PLEKHD1: variants seen among roughly 807,000 people sequenced by gnomAD.
PLEKHD1 encodes pleckstrin homology domain-containing family D member 1.
A neutral mutation model predicts 69.2 loss-of-function variants in PLEKHD1; 51 were observed. The ratio of observed to expected loss-of-function variants is 0.74; its 90% confidence interval spans 0.59 to 0.93. PLEKHD1 has a LOEUF of 0.93. Among genes scored for constraint, PLEKHD1 ranks in the 40% least tolerant of loss-of-function variants. The pLI, the probability that PLEKHD1 is intolerant of heterozygous loss-of-function variation, is 0.00. For missense variants in PLEKHD1, 584 were observed against 641.0 expected, an observed-to-expected ratio of 0.91 and a Z score of 0.96; for synonymous variants, 236 against 244.7, an observed-to-expected ratio of 0.96 and a Z score of 0.33.
In PLEKHD1 at chr14:69,528,572, G is replaced by T; in HGVS notation, c.*153G>T. The T allele has an allele frequency of 9.4e-7, 1 of 1,068,026 alleles. No individual in the cohort carries two copies. Among genetic ancestry groups the T allele is most frequent in the Non-Finnish European group, 1.3e-6 (1 of 763,762 alleles). The allele number at this position is 1,068,026 out of a possible 1,614,324, so 66.2% of individuals were successfully genotyped here. A position where few individuals can be genotyped will look rare whatever the true frequency, so the allele number is the denominator to read the frequency against. ...GGAGCTCCACTTGGGGGCCAGCCTT[G>T]CCCTCAAAGGACATGGACGCTGCCT... On this transcript the variant is annotated 3_prime_UTR_variant, in exon 13 of 13. Transcript: ENST00000322564.
chr14:69,499,592 C>T (rs1460832066), intron 1 of PLEKHD1, among the ~76,000 whole-genome samples: 1 of 152,062 alleles, frequency 6.6e-6, no homozygotes, highest in African/African-American at 2.4e-5. Context: ...GGGAGTAGCC[C>T]GAGACAAAGG....
intron 4 of PLEKHD1, 39 bp from the exon 5 acceptor site, chr14:69,501,695 C>T: frequency 1.4e-6 from 2 of 1,436,758 alleles, no homozygotes; most frequent in East Asian, 2.5e-5. Flanking sequence ...TCTGTTTCTT[C>T]CTCTTCTCTC....
chr14:69,524,077 C>T (rs1471341165), intron 7 of PLEKHD1, among the ~76,000 whole-genome samples, 152 bp from the exon 8 acceptor site: 2 of 152,218 alleles, frequency 1.3e-5, no homozygotes, highest in Non-Finnish European at 2.9e-5. Flanking sequence ...CCTACTGCTG[C>T]TGTCAGGGCC....
chr14:69,496,133 G>A (rs1449362251), intron 1 of PLEKHD1, among the ~76,000 whole-genome samples: 1 of 152,176 alleles, frequency 6.6e-6, no homozygotes, highest in Non-Finnish European at 1.5e-5. Flanking sequence ...GTAAGGCTGG[G>A]AGTTTGCCTG....
At chr14:69,498,627 T>TCTTCTCTTCTCTTCTCTTCTCTTCC (rs1566557354) in intron 1 of PLEKHD1, among the ~76,000 whole-genome samples, 11 of 149,546 alleles carry the variant, frequency 7.4e-5, no homozygotes, top group African/African-American at 2.5e-4. Context: ...TCTTCTCTTC[T>TCTTCTCTTCTCTTCTCTTCTCTTCC]CTTCTCTTCT....
chr14:69,505,812 A>C (rs1034639030), intron 6 of PLEKHD1, among the ~76,000 whole-genome samples: 1 of 152,226 alleles, frequency 6.6e-6, no homozygotes, highest in African/African-American at 2.4e-5. Context: ...CAGAGCGTGC[A>C]GGGGGAACCC....
intron 6 of PLEKHD1, among the ~76,000 whole-genome samples, chr14:69,508,642 C>T (rs910541876): frequency 1.3e-5 from 2 of 152,104 alleles, no homozygotes; most frequent in African/African-American, 4.8e-5. Flanking sequence ...TGGGGGCAAA[C>T]ATGGGACTAA....
At chr14:69,479,330 T>G in the PLEKHD1 span, among the ~76,000 whole-genome samples, 1 of 152,036 alleles carries the variant, frequency 6.6e-6, no homozygotes. Context: ...AGAGCCAAAG[T>G]CAGGAGGTAG....
intron 11 of PLEKHD1, 47 bp from the exon 12 acceptor site, chr14:69,527,736 G>T: frequency 3.2e-6 from 5 of 1,544,458 alleles, no homozygotes; most frequent in Non-Finnish European, 4.4e-6. Context: ...CTGGCTGGGG[G>T]TAAGGATGCA....
chr14:69,528,101 A>G, intron 12 of PLEKHD1, 149 bp from the exon 13 acceptor site: 1 of 1,401,040 alleles, frequency 7.1e-7, no homozygotes, highest in South Asian at 1.3e-5. Flanking sequence ...GGGTTTCTCA[A>G]AGGATATGGA....
intron 6 of PLEKHD1, among the ~76,000 whole-genome samples, chr14:69,508,582 T>A (rs1883203742): frequency 6.6e-6 from 1 of 152,166 alleles, no homozygotes; most frequent in African/African-American, 2.4e-5. Flanking sequence ...GCACGGCTAA[T>A]TTTTTATTTT....
At chr14:69,490,259 G>T (rs1452373228) in intron 1 of PLEKHD1, among the ~76,000 whole-genome samples, 1 of 152,132 alleles carries the variant, frequency 6.6e-6, no homozygotes, top group Non-Finnish European at 1.5e-5. Flanking sequence ...TGGGTGTGGG[G>T]GTGGTTTCAT....
At chr14:69,527,448 G>A in intron 11 of PLEKHD1, 116 bp downstream of exon 11, 11 of 1,397,018 alleles carry the variant, frequency 7.9e-6, no homozygotes, top group Non-Finnish European at 1.1e-5. Context: ...GGTGCTCCCT[G>A]GATATTGAAG....
rs928235733 is a variant in PLEKHD1, at chr14:69,526,250, C to T, written c.923+128C>T. On this transcript the variant is annotated intron_variant, in intron 9 of 12. Transcript: ENST00000322564. ...GTAGGACTCACTCACTTCCTTTTGC[C>T]TAGGACTCTGTTTTCCCACCAGGAA... The T allele has an allele frequency of 1.3e-5, 13 of 1,002,040 alleles. No individual in the cohort carries two copies. In the African/African-American group the frequency reaches 1.8e-4, roughly 14 times the overall value. 62.1% of individuals were successfully genotyped at this position (1,002,040 alleles called of 1,614,324 possible). A position where few individuals can be genotyped will look rare whatever the true frequency, so the allele number is the denominator to read the frequency against.
chr14:69,520,701 C>T (rs564755646), intron 6 of PLEKHD1, among the ~76,000 whole-genome samples: 2 of 152,196 alleles, frequency 1.3e-5, no homozygotes, highest in South Asian at 4.2e-4. Flanking sequence ...TGCACTCCAG[C>T]CTGGGCAACA....
chr14:69,494,932 C>A (rs954961148), intron 1 of PLEKHD1, among the ~76,000 whole-genome samples: 4 of 152,166 alleles, frequency 2.6e-5, no homozygotes, highest in South Asian at 2.1e-4. Context: ...TCCGTTGGGC[C>A]GAACTCATTC....
At chr14:69,509,488 A>G (rs191767374) in intron 6 of PLEKHD1, among the ~76,000 whole-genome samples, 1 of 152,194 alleles carries the variant, frequency 6.6e-6, no homozygotes, top group Admixed American at 6.5e-5. Context: ...GTTGTCTCCT[A>G]TGTTATCTTC....
chr14:69,476,557 A>AAATAATAAT, the PLEKHD1 span, among the ~76,000 whole-genome samples: 4 of 150,918 alleles, frequency 2.7e-5, no homozygotes, highest in Non-Finnish European at 4.4e-5. Flanking sequence ...CTATCTCTTA[A>AAATAATAAT]AATAATAATA....
chr14:69,478,157 C>G, the PLEKHD1 span, among the ~76,000 whole-genome samples: 1 of 152,244 alleles, frequency 6.6e-6, no homozygotes, highest in Non-Finnish European at 1.5e-5. Context: ...GTTGCCAAGG[C>G]CTGAGGCTTG....
Sources: gnomAD v4.1 joint callset for allele counts (sites outside exome capture counted in the v4.1 genomes callset) on GRCh38, gnomAD v4.1.1 for gene constraint, MANE v1.5 for transcripts, NCBI Gene and HGNC (gene_info 2026-07-23, HGNC 2026-07-21) for gene names.